DIS3L2: variants seen among roughly 807,000 people sequenced by gnomAD.
The protein encoded by DIS3L2 is DIS3 like 3'-5' exoribonuclease 2, also known as DIS3-like exonuclease 2.
DIS3L2 carries 34 observed loss-of-function variants against 97.5 expected under a neutral mutation model. That is an observed-to-expected ratio of 0.35 (90% confidence interval 0.27 to 0.46). The LOEUF (loss-of-function observed/expected upper bound fraction) is 0.46. Among genes scored for constraint, DIS3L2 ranks in the 20% least tolerant of loss-of-function variants. DIS3L2 has a pLI of 1.00. For missense variants in DIS3L2, 1,038 were observed against 1,146.0 expected (o/e 0.91, Z 1.36); for synonymous variants, 435 against 445.2 (o/e 0.98, Z 0.29).
chr2:232,009,818 C>G (rs1694147369), intron 1 of DIS3L2, among the ~76,000 whole-genome samples: 2 of 152,208 alleles, frequency 1.3e-5, no homozygotes, highest in Admixed American at 6.5e-5. Flanking sequence ...ATTCCTTAGT[C>G]TCCACGTTGG....
At chr2:232,023,899 AAG>A (rs1340957995) in intron 3 of DIS3L2, among the ~76,000 whole-genome samples, 1 of 139,998 alleles carries the variant, frequency 7.1e-6, no homozygotes. Context: ...GGAGAAAAAA[AAG>A]GCCTTTATAT....
intron 13 of DIS3L2, among the ~76,000 whole-genome samples, chr2:232,274,898 C>G (rs1694101180): frequency 6.6e-6 from 1 of 152,170 alleles, no homozygotes; most frequent in Non-Finnish European, 1.5e-5. Context: ...TTGGTGGAAA[C>G]CTATTTAATT....
In DIS3L2 at chr2:232,136,589, C is replaced by T. The variant is rs781163337; in HGVS notation, c.820C>T (p.Arg274Ter). Reference sequence around the variant, plus strand: ...CGCCCTGTTTTCTCCCTCAGACCACCGAGTGCCTAGAATTTATGTGCCTCT... The same window carrying T: ...CGCCCTGTTTTCTCCCTCAGACCACTGAGTGCCTAGAATTTATGTGCCTCT... ...KYALFSPSDH[R>*]VPRIYVPLKD... is the part of the protein sequence containing the mutation. Residue 274 changes from arginine (R) to a stop codon, truncating the protein, a stop_gained, in exon 8 of 21, where the codon CGA becomes TGA. Coordinates refer to ENST00000325385, the MANE Select transcript of DIS3L2 (RefSeq NM_152383.5). LOFTEE classifies it high-confidence loss of function. 3 of 1,613,998 alleles carry T rather than the reference C, an allele frequency of 1.9e-6. No homozygotes were observed. The highest frequency in any genetic ancestry group is 1.7e-6 in the Non-Finnish European group (2 of 1,179,982).
intron 6 of DIS3L2, among the ~76,000 whole-genome samples, chr2:232,107,975 A>G (rs1188598963): frequency 6.6e-6 from 1 of 152,142 alleles, no homozygotes; most frequent in African/African-American, 2.4e-5. Flanking sequence ...AGCTGCTATC[A>G]TTCCTACTGA....
At chr2:232,045,191 T>A (rs1695203385) in intron 5 of DIS3L2, among the ~76,000 whole-genome samples, 1 of 151,834 alleles carries the variant, frequency 6.6e-6, no homozygotes, top group South Asian at 2.1e-4. Context: ...ATGTGAAGAG[T>A]AGAAAAGGCT....
rs78057710 is a variant in DIS3L2, at chr2:232,306,595, C to T, written c.1739+6476C>T. Reference sequence around the variant, plus strand: ...GTTGGGAAGGAGGTCCACATCAGTTCAGTCTACTATCTTGTCAGAATCGGA... The same window carrying T: ...GTTGGGAAGGAGGTCCACATCAGTTTAGTCTACTATCTTGTCAGAATCGGA... On this transcript the variant is annotated intron_variant, in intron 14 of 20. Coordinates refer to ENST00000325385, the MANE Select transcript of DIS3L2 (RefSeq NM_152383.5). 1.7e-3 allele frequency among the ~76,000 whole-genome samples: 266 copies of T among 152,282 alleles called. 7 individuals carry two copies. The East Asian group carries it at 0.045, about 26-fold the overall frequency.
intron 10 of DIS3L2, among the ~76,000 whole-genome samples, chr2:232,217,993 C>A (rs1245177372): frequency 6.6e-6 from 1 of 152,172 alleles, no homozygotes; most frequent in East Asian, 1.9e-4. Context: ...GCAGCATTCC[C>A]TCTTCCAGGA....
intron 6 of DIS3L2, among the ~76,000 whole-genome samples, chr2:232,112,964 G>A (rs1025983108): frequency 3.9e-5 from 6 of 152,108 alleles, no homozygotes; most frequent in African/African-American, 1.4e-4. Context: ...AATACCTATA[G>A]TGGGATTAGT....
chr2:232,336,640 G>T lies in DIS3L2; in HGVS notation c.*10G>T. 6.4e-7 allele frequency: 1 copy of T among 1,552,170 alleles called. No homozygotes were observed. ...CTCAAGCACCAGCTGAGCTCCACCA[G>T]CCGCCTGCCCCGCCTGCCCCGCCTG... On this transcript the variant is annotated 3_prime_UTR_variant, in exon 21 of 21. Transcript: ENST00000325385.
chr2:231,966,641 ATTTTTTTTTTT>A (rs36151054), intron 1 of DIS3L2, among the ~76,000 whole-genome samples: 82 of 50,398 alleles, frequency 1.6e-3, no homozygotes, highest in Middle Eastern at 0.022. Context: ...GTTAAAAAAC[ATTTTTTTTTTT>A]TTTTTTTTTT....
intron 15 of DIS3L2, 143 bp from the exon 16 acceptor site, chr2:232,330,547 C>T (rs1396850292): frequency 2.4e-6 from 2 of 848,770 alleles, no homozygotes; most frequent in Middle Eastern, 3.2e-4. Flanking sequence ...CCTCTCCCCA[C>T]CCATCCCCTC....
intron 8 of DIS3L2, among the ~76,000 whole-genome samples, chr2:232,138,063 G>T: frequency 6.6e-6 from 1 of 152,134 alleles, no homozygotes; most frequent in East Asian, 1.9e-4. Flanking sequence ...CTGCCTTTCT[G>T]TCGTATCCCA....
rs148616558 is a variant in DIS3L2 at position 232,084,788 on chromosome 2, A to G, written c.367-2699A>G. On this transcript the variant is annotated intron_variant, in intron 5 of 20. Transcript: ENST00000325385. ...AAAAGTTTGCTCAAAAGTTTTGAGC[A>G]CAGTTTTGCTCAAAAAAAAAAAAGC... 2.4e-3 allele frequency among the ~76,000 whole-genome samples: 244 copies of G among 101,166 alleles called. 1 individual carries two copies. The highest frequency in any genetic ancestry group is 9.6e-3 in the African/African-American group (227 of 23,698). 66.4% of individuals were successfully genotyped at this position (101,166 alleles called of 152,430 possible).
Position 232,030,071 on chromosome 2 carries a change from G to T in DIS3L2, c.357G>T (p.Glu119Asp), listed in dbSNP as rs1306442335. ...TGGTCGTGAAACTGCTTCCCGAGGA[G>T]CATTGGAAGGTGAGTTAAGTTTTCC... ...DLVVVKLLPE[E>D]HWKVVKPESN... Residue 119 changes from glutamate to aspartate, a missense_variant, in exon 5 of 21, where the codon GAG (glutamate) becomes GAT (aspartate). Physicochemically the swap from Glu to Asp is conservative, Grantham distance 45. Coordinates refer to ENST00000325385, the MANE Select transcript of DIS3L2 (RefSeq NM_152383.5). 1.9e-6 allele frequency: 3 copies of T among 1,611,210 alleles called. No homozygotes were observed. Among genetic ancestry groups the T allele is most frequent in the Non-Finnish European group, 2.5e-6 (3 of 1,178,848 alleles).
chr2:232,111,151 A>G (rs1697517905), intron 6 of DIS3L2: 1 of 441,902 alleles, frequency 2.3e-6, no homozygotes, highest in East Asian at 7.1e-5. Context: ...TGCTGTGCTT[A>G]AAAGTTTAGA....
At chr2:232,153,936 G>A (rs1309237105) in intron 8 of DIS3L2, among the ~76,000 whole-genome samples, 53 of 149,814 alleles carry the variant, frequency 3.5e-4, no homozygotes, top group East Asian at 1.6e-3. Flanking sequence ...TTCCCTTCTC[G>A]CTTCATTTCA....
At chr2:232,015,976 AG>A (rs1237662106) in intron 3 of DIS3L2, 1 of 217,046 alleles carries the variant, frequency 4.6e-6, no homozygotes, top group African/African-American at 2.2e-5. Flanking sequence ...TGTTTGAGCC[AG>A]GCCATGGATT....
chr2:231,972,197 AT>A (rs1311331542), intron 1 of DIS3L2, among the ~76,000 whole-genome samples: 1 of 152,114 alleles, frequency 6.6e-6, no homozygotes, highest in Non-Finnish European at 1.5e-5. Context: ...AAATAAAAAA[AT>A]AAAAAATAAA....
chr2:231,984,491 A>G (rs1354223588), intron 1 of DIS3L2, among the ~76,000 whole-genome samples: 1 of 145,476 alleles, frequency 6.9e-6, no homozygotes, highest in East Asian at 2.0e-4. Flanking sequence ...GGTTCACGCC[A>G]TTCTCCTGCC....
Sources: gnomAD v4.1 joint callset for allele counts (sites outside exome capture counted in the v4.1 genomes callset) on GRCh38, gnomAD v4.1.1 for gene constraint, MANE v1.5 for transcripts, NCBI Gene and HGNC (gene_info 2026-07-23, HGNC 2026-07-21) for gene names.